The following CYYR1 variants were observed in gnomAD, a reference collection of about 807,000 sequenced individuals.
CYYR1 encodes the protein cysteine and tyrosine rich 1.
CYYR1 carries 14 observed loss-of-function variants against 15.2 expected under a neutral mutation model. That is an observed-to-expected ratio of 0.92 (90% CI 0.61 to 1.44). The LOEUF is 1.44. CYYR1 is among the 40% of genes most tolerant of loss of function. The pLI is 0.00. For missense variants in CYYR1, 228 were observed against 209.5 expected (o/e 1.09, Z -0.54); for synonymous variants, 80 against 77.4 (o/e 1.03, Z -0.18).
intron 2 of CYYR1, among the ~76,000 whole-genome samples, chr21:26,537,043 G>A (rs1978309381): frequency 1.3e-5 from 2 of 152,172 alleles, no homozygotes; most frequent in South Asian, 2.1e-4. Context: ...ATAAGGTAAG[G>A]AATCTTATCT....
chr21:26,476,839 G>T (rs2065111890), intron 3 of CYYR1, among the ~76,000 whole-genome samples: 1 of 151,910 alleles, frequency 6.6e-6, no homozygotes, highest in Admixed American at 6.6e-5. Context: ...TAAAAAAAAG[G>T]GTTAATATGA....
At chr21:26,546,117 C>A (rs1978960753) in intron 2 of CYYR1, among the ~76,000 whole-genome samples, 1 of 152,128 alleles carries the variant, frequency 6.6e-6, no homozygotes, top group Non-Finnish European at 1.5e-5. Flanking sequence ...ATAGTATGTC[C>A]TCTAACATGA....
chr21:26,545,096 T>A (rs536671019), intron 2 of CYYR1, among the ~76,000 whole-genome samples: 92 of 152,344 alleles, frequency 6.0e-4, no homozygotes, highest in African/African-American at 2.0e-3. Flanking sequence ...CTACTAGATA[T>A]ACCAGTCCCT....
chr21:26,509,068 C>G (rs1021057753), intron 2 of CYYR1, among the ~76,000 whole-genome samples: 3 of 152,200 alleles, frequency 2.0e-5, no homozygotes, highest in African/African-American at 7.2e-5. Flanking sequence ...TACACTGCAT[C>G]ACACTCAAAG....
intron 2 of CYYR1, among the ~76,000 whole-genome samples, chr21:26,494,646 C>T (rs2065369304): frequency 6.6e-6 from 1 of 151,168 alleles, no homozygotes; most frequent in South Asian, 2.1e-4. Context: ...TTTTTTTTTC[C>T]CCTTAAAAGA....
At chr21:26,521,346 T>C (rs1379400390) in intron 2 of CYYR1, among the ~76,000 whole-genome samples, 3 of 152,210 alleles carry the variant, frequency 2.0e-5, no homozygotes, top group Non-Finnish European at 4.4e-5. Flanking sequence ...CAGACTGATA[T>C]TGCTTTACAT....
intron 2 of CYYR1, among the ~76,000 whole-genome samples, chr21:26,490,214 C>T (rs1408666545): frequency 2.0e-5 from 3 of 151,892 alleles, no homozygotes; most frequent in Admixed American, 2.0e-4. Context: ...GCATGAGAAT[C>T]GCTTAAACCT....
At chr21:26,551,768 C>T (rs911954484) in intron 2 of CYYR1, 1 of 245,730 alleles carries the variant, frequency 4.1e-6, no homozygotes, top group South Asian at 4.7e-5. Flanking sequence ...ATGCTGTGAA[C>T]ACTGTGGAAA....
chr21:26,558,335 CT>C (rs1445656179), intron 2 of CYYR1, among the ~76,000 whole-genome samples: 33 of 152,096 alleles, frequency 2.2e-4, no homozygotes, highest in Admixed American at 2.1e-3. Flanking sequence ...AATAATTATA[CT>C]TTCTTGAGAT....
chr21:26,476,829 TA>T (rs1312571899), intron 3 of CYYR1, among the ~76,000 whole-genome samples: 1 of 151,662 alleles, frequency 6.6e-6, no homozygotes, highest in Non-Finnish European at 1.5e-5. Context: ...AACCTGCTTT[TA>T]AAAAAAAGGG....
intron 2 of CYYR1, among the ~76,000 whole-genome samples, chr21:26,488,293 G>A (rs894895468): frequency 7.8e-6 from 1 of 127,452 alleles, no homozygotes; most frequent in African/African-American, 3.1e-5. Context: ...TCCAGACAAG[G>A]TCTAACTGCG....
chr21:26,507,469 C>T (rs905342840), intron 2 of CYYR1, among the ~76,000 whole-genome samples: 2 of 152,152 alleles, frequency 1.3e-5, no homozygotes, highest in East Asian at 1.9e-4. Context: ...TCTATCTTTA[C>T]ACAAATTTAA....
chr21:26,571,729 GAAAT>G (rs1239241373), intron 1 of CYYR1, among the ~76,000 whole-genome samples: 1 of 152,086 alleles, frequency 6.6e-6, no homozygotes, highest in East Asian at 1.9e-4. Flanking sequence ...TTTAATAAAA[GAAAT>G]AAATGTTGTA....
rs193115768 is a variant in CYYR1, at chr21:26,560,180, A to G, written c.176+6086T>C. ...TGCATATATTATTACTGGATTCCTT[A>G]CTGGATATATTATAGTTTTAAATAT... On this transcript the variant is annotated intron_variant, in intron 2 of 3. Transcript: ENST00000652641. 1.8e-3 allele frequency among the ~76,000 whole-genome samples: 272 copies of G among 152,254 alleles called. 1 individual carries two copies. The highest frequency in any genetic ancestry group is 6.0e-3 in the African/African-American group (251 of 41,562).
intron 2 of CYYR1, among the ~76,000 whole-genome samples, chr21:26,562,088 A>G (rs1447348252): frequency 1.3e-5 from 2 of 152,342 alleles, no homozygotes; most frequent in Admixed American, 1.3e-4. Flanking sequence ...AGAGTTGCTG[A>G]ATCAAATGTT....
intron 3 of CYYR1, chr21:26,478,255 C>A: frequency 7.7e-7 from 1 of 1,294,902 alleles, no homozygotes; most frequent in Non-Finnish European, 1.1e-6. Context: ...AATTGGGATG[C>A]TGTCAGAAGG....
chr21:26,508,880 T>C (rs1350529379), intron 2 of CYYR1, among the ~76,000 whole-genome samples: 1 of 152,212 alleles, frequency 6.6e-6, no homozygotes, highest in Non-Finnish European at 1.5e-5. Context: ...ATCAGTATAA[T>C]GTGCATTGTG....
At chr21:26,506,312 C>G (rs1356392609) in intron 2 of CYYR1, among the ~76,000 whole-genome samples, 1 of 152,208 alleles carries the variant, frequency 6.6e-6, no homozygotes, top group Non-Finnish European at 1.5e-5. Context: ...CTTAATTTAT[C>G]TGCATTGTGA....
intron 2 of CYYR1, chr21:26,550,597 A>C (rs1979315842): frequency 6.6e-6 from 1 of 152,212 alleles, no homozygotes; most frequent in Non-Finnish European, 1.5e-5. Context: ...AGAAAGCAAA[A>C]GTGATCTGGG....
Sources: gnomAD v4.1 joint callset for allele counts (sites outside exome capture counted in the v4.1 genomes callset) on GRCh38, gnomAD v4.1.1 for gene constraint, MANE v1.5 for transcripts, NCBI Gene and HGNC (gene_info 2026-07-23, HGNC 2026-07-21) for gene names.